CHD9: variants seen among roughly 807,000 people sequenced by gnomAD.
The protein encoded by CHD9 is ATP-dependent chromatin remodeler CHD9.
A neutral mutation model predicts 316.1 loss-of-function variants in CHD9; 77 were observed. The observed-to-expected ratio is 0.24, with a 90% CI of 0.20 to 0.29. CHD9 has a LOEUF of 0.29. Among genes scored for constraint, CHD9 ranks in the 10% least tolerant of loss-of-function variants. The pLI, the probability that CHD9 is intolerant of heterozygous loss-of-function variation, is 1.00. For synonymous variants in CHD9, 1,129 were observed against 1,158.3 expected (o/e 0.97, Z 0.51); for missense variants, 2,763 against 3,438.1 (o/e 0.80, Z 4.91).
chr16:53,116,558 A>G (rs1292723019), intron 1 of CHD9, among the ~76,000 whole-genome samples: 1 of 152,222 alleles, frequency 6.6e-6, no homozygotes, highest in Non-Finnish European at 1.5e-5. Context: ...GGCGATTGTT[A>G]AAAAGACAAG....
chr16:53,259,817 C>G (rs1219646268), intron 19 of CHD9, among the ~76,000 whole-genome samples: 1 of 152,136 alleles, frequency 6.6e-6, no homozygotes. Flanking sequence ...GCCCAGCCTG[C>G]TTTTCATGTT....
At chr16:53,280,184 G>A (rs1432711338) in intron 24 of CHD9, among the ~76,000 whole-genome samples, 1 of 152,072 alleles carries the variant, frequency 6.6e-6, no homozygotes, top group Non-Finnish European at 1.5e-5. Context: ...TTTACCCAGA[G>A]GAAAAGAAGT....
intron 25 of CHD9, 132 bp downstream of exon 25, chr16:53,285,831 A>G: frequency 1.9e-6 from 1 of 527,660 alleles, no homozygotes; most frequent in Non-Finnish European, 3.3e-6. Context: ...TTAAAAGCAT[A>G]CACTACCAAA....
rs192819365 is a variant in CHD9 at position 53,307,671 on chromosome 16, G to A, written c.6781-10G>A. 57 of 1,589,788 alleles carry A rather than the reference G, an allele frequency of 3.6e-5. No individual in the cohort carries two copies. Among genetic ancestry groups the A allele is most frequent in the Admixed American group, 1.4e-4 (8 of 56,022 alleles). On this transcript the variant is annotated splice_polypyrimidine_tract_variant and intron_variant, in intron 32 of 38. Transcript: ENST00000447540. Reference sequence around the variant, plus strand: ...TTAAAATTACACTTTGATGTTGCACGCTTTTCTAGGATCGTGTGATGATCA... The same window carrying A: ...TTAAAATTACACTTTGATGTTGCACACTTTTCTAGGATCGTGTGATGATCA...
At chr16:53,173,101 G>A (rs913647031) in intron 2 of CHD9, among the ~76,000 whole-genome samples, 6 of 152,082 alleles carry the variant, frequency 3.9e-5, no homozygotes, top group African/African-American at 1.2e-4. Context: ...TTTCTCTTAT[G>A]TTTTCATGTA....
rs2057519851 is a variant in CHD9 at position 53,325,771 on chromosome 16, A to G, written c.*876A>G. On this transcript the variant is annotated 3_prime_UTR_variant, in exon 39 of 39. Coordinates refer to ENST00000447540, the MANE Select transcript of CHD9 (RefSeq NM_001308319.2). The stretch of plus-strand genomic sequence containing the variant: ...CTGTTTCCAGGGTTCAGAAAAGGCA[A>G]ACTCATGAAATGCCACTGAAAAGAA... 1 of 152,288 alleles carries G rather than the reference A, an allele frequency of 6.6e-6. No individual in the cohort carries two copies. The highest frequency in any genetic ancestry group is 2.1e-4 in the South Asian group (1 of 4,828). The allele number at this position is 152,288 out of a possible 1,614,324, so 9.4% of individuals were successfully genotyped here.
At position 53,227,419 on chromosome 16, in the gene CHD9, T is replaced by A; in HGVS notation, c.2067T>A (p.Ala689=). The change falls in exon 6 of 39, where the codon GCT becomes GCA. Residue 689 remains alanine (A), a synonymous_variant. Coordinates refer to ENST00000447540, the MANE Select transcript of CHD9 (RefSeq NM_001308319.2). ...AGGAGAATCCGAGTGAAGAAGATGCTGCAATTGTAGACAAAATTCTATCTT... is the reference window on the plus strand; with the variant it reads ...AGGAGAATCCGAGTGAAGAAGATGCAGCAATTGTAGACAAAATTCTATCTT... ...LFVENPSEED[A]AIVDKILSSR... is the part of the protein sequence containing the mutation. The A allele has an allele frequency of 6.4e-7, 1 of 1,571,746 alleles. No individual in the cohort carries two copies. The highest frequency in any genetic ancestry group is 2.3e-5 in the East Asian group (1 of 43,510).
chr16:53,283,301 G>T (rs947165945), intron 24 of CHD9, among the ~76,000 whole-genome samples: 5 of 152,164 alleles, frequency 3.3e-5, no homozygotes, highest in Non-Finnish European at 7.3e-5. Flanking sequence ...AGTGAATTCT[G>T]TTTAAATATA....
Position 53,170,647 on chromosome 16 carries a change from T to A in CHD9, c.1452+13106T>A, listed in dbSNP as rs546726791. ...GGAAGCTTGTGGTTATATGAACAAA[T>A]TCCAGAAATTCTGATTGAATTTCAC... On this transcript the variant is annotated intron_variant, in intron 2 of 38. Coordinates refer to ENST00000447540, the MANE Select transcript of CHD9 (RefSeq NM_001308319.2). Among the ~76,000 whole-genome samples the A allele has an allele frequency of 8.0e-5, 12 of 150,352 alleles. No individual in the cohort carries two copies. The East Asian group carries it at 2.4e-3, about 30-fold the overall frequency.
intron 3 of CHD9, among the ~76,000 whole-genome samples, chr16:53,211,784 C>A (rs2046355658): frequency 6.6e-6 from 1 of 152,014 alleles, no homozygotes; most frequent in South Asian, 2.1e-4. Flanking sequence ...GAGGAAAAGG[C>A]ATAGTTGGAA....
At chr16:53,301,222 C>T (rs1436823205) in intron 30 of CHD9, among the ~76,000 whole-genome samples, 3 of 152,058 alleles carry the variant, frequency 2.0e-5, no homozygotes, top group Admixed American at 2.0e-4. Context: ...ATTTCAATCG[C>T]TTCTCTTAGC....
chr16:53,198,315 A>ATTTTTTTT (rs34946383), intron 2 of CHD9, among the ~76,000 whole-genome samples: 1 of 125,236 alleles, frequency 8.0e-6, no homozygotes, highest in Non-Finnish European at 1.7e-5. Context: ...TAAGCATTCA[A>ATTTTTTTT]TTTTTTTTTT....
intron 38 of CHD9, among the ~76,000 whole-genome samples, chr16:53,322,825 A>G (rs2057364226): frequency 6.6e-6 from 1 of 152,198 alleles, no homozygotes; most frequent in South Asian, 2.1e-4. Flanking sequence ...GGGGAATTAT[A>G]GAATGTGTAT....
intron 2 of CHD9, among the ~76,000 whole-genome samples, chr16:53,166,175 G>C (rs1256661125): frequency 6.6e-6 from 1 of 152,134 alleles, no homozygotes; most frequent in African/African-American, 2.4e-5. Flanking sequence ...ATATTAGCTA[G>C]TTCTGAAATA....
At chr16:53,148,447 G>T (rs1023558315) in intron 1 of CHD9, among the ~76,000 whole-genome samples, 1 of 152,124 alleles carries the variant, frequency 6.6e-6, no homozygotes, top group African/African-American at 2.4e-5. Flanking sequence ...TTCCACAGTG[G>T]CTATACCATT....
chr16:53,113,219 G>T (rs999149230), intron 1 of CHD9, among the ~76,000 whole-genome samples: 1 of 152,096 alleles, frequency 6.6e-6, no homozygotes, highest in East Asian at 1.9e-4. Context: ...TGTGAGGCAG[G>T]CAGCATAGAT....
At chr16:53,318,969 A>G (rs1351982276) in intron 37 of CHD9, among the ~76,000 whole-genome samples, 1 of 152,230 alleles carries the variant, frequency 6.6e-6, no homozygotes, top group East Asian at 1.9e-4. Flanking sequence ...GAATGTCTTG[A>G]AGTTACCTTG....
intron 30 of CHD9, among the ~76,000 whole-genome samples, chr16:53,300,183 C>T (rs2055228629): frequency 6.6e-6 from 1 of 152,094 alleles, no homozygotes; most frequent in African/African-American, 2.4e-5. Flanking sequence ...GAAACCCCAT[C>T]TCTACTAAAG....
At chr16:53,096,535 G>A (rs1035460723) in intron 1 of CHD9, among the ~76,000 whole-genome samples, 1 of 152,078 alleles carries the variant, frequency 6.6e-6, no homozygotes, top group African/African-American at 2.4e-5. Context: ...TTGTAGATGG[G>A]AAACTGAAAC....
Sources: allele counts gnomAD v4.1 joint callset (sites outside exome capture counted in the v4.1 genomes callset), GRCh38; gene constraint gnomAD v4.1.1; transcripts MANE v1.5; gene names NCBI Gene and HGNC (gene_info 2026-07-23, HGNC 2026-07-21).